CTTN: variants seen among roughly 807,000 people sequenced by gnomAD.
CTTN encodes src substrate cortactin.
A neutral mutation model predicts 84.0 loss-of-function variants in CTTN; 28 were observed. The ratio of observed to expected loss-of-function variants is 0.33; its 90% CI spans 0.25 to 0.46. CTTN has a LOEUF of 0.46. Among genes scored for constraint, CTTN ranks in the 20% least tolerant of loss-of-function variants. The pLI, the probability that CTTN is intolerant of heterozygous loss-of-function variation, is 1.00. For missense variants in CTTN, 641 were observed against 723.8 expected (o/e 0.89, Z 1.31); for synonymous variants, 301 against 288.8 (o/e 1.04, Z -0.43).
At position 70,420,479 on chromosome 11, in the gene CTTN, G is replaced by A. The variant is rs1203683145; in HGVS notation, c.759G>A (p.Gln253=). 3.1e-6 allele frequency: 5 copies of A among 1,614,184 alleles called. No homozygotes were observed. The South Asian group carries it at 4.4e-5, about 14-fold the overall frequency. ...QDKCALGWDH[Q]EKLQLHESQK... ...AATGTGCCCTTGGCTGGGATCACCA[G>A]GAGAAATTGCAGCTGCATGAATCCC... The change falls in exon 10 of 18, where the codon CAG becomes CAA. Residue 253 remains glutamine (Q), a synonymous_variant. Transcript: ENST00000301843.
rs1428001140 is a variant in CTTN at position 70,431,153 on chromosome 11, A to T, written c.1177-38A>T. 1.9e-6 allele frequency: 3 copies of T among 1,586,776 alleles called. No homozygotes were observed. In the South Asian group the frequency reaches 3.3e-5, roughly 18 times the overall value. On this transcript the variant is annotated intron_variant, in intron 14 of 17. Transcript: ENST00000301843. ...GGCAGGCGTGACAGTGCAGAGTGTC[A>T]TGGCAGCATTCTGATTGCTGTTTGT...
intron 5 of CTTN, among the ~76,000 whole-genome samples, chr11:70,411,626 G>A (rs1343671314): frequency 6.6e-6 from 1 of 152,210 alleles, no homozygotes; most frequent in Non-Finnish European, 1.5e-5. Flanking sequence ...GGAAAAGAAA[G>A]GCAACGTGTC....
At chr11:70,403,849 G>C (rs1284518222) in intron 1 of CTTN, among the ~76,000 whole-genome samples, 2 of 152,020 alleles carry the variant, frequency 1.3e-5, no homozygotes, top group Non-Finnish European at 2.9e-5. Flanking sequence ...CCTATCCTTA[G>C]CTGCTCATGA....
intron 8 of CTTN, among the ~76,000 whole-genome samples, chr11:70,418,427 C>A (rs2058189325): frequency 6.6e-6 from 1 of 152,236 alleles, no homozygotes; most frequent in Non-Finnish European, 1.5e-5. Context: ...CCAGGGAGCA[C>A]AGGCCGAGCA....
chr11:70,410,034 C>T, intron 5 of CTTN, 74 bp downstream of exon 5: 1 of 1,536,270 alleles, frequency 6.5e-7, no homozygotes. Context: ...AGAGTCGTCC[C>T]TCAGTCTTTC....
rs1459063556 is a variant in CTTN, at chr11:70,422,967, A to G, written c.929A>G (p.Tyr310Cys). 1 of 1,613,870 alleles carries G rather than the reference A, an allele frequency of 6.2e-7. No homozygotes were observed. Among genetic ancestry groups the G allele is most frequent in the Non-Finnish European group, 8.5e-7 (1 of 1,179,992 alleles). ...TACTCCAAAGGATTCGGCGGGAAGT[A>G]TGGGGTGCAGAAGGATCGGATGGAT... ...QDYSKGFGGK[Y>C]GVQKDRMDKN... The change falls in exon 12 of 18, where the codon TAT becomes TGT. Residue 310 changes from tyrosine to cysteine, a missense_variant. Transcript: ENST00000301843.
Position 70,428,921 on chromosome 11 carries a change from A to C in CTTN, c.1028-130A>C. On this transcript the variant is annotated intron_variant, in intron 13 of 17. Coordinates refer to ENST00000301843, the MANE Select transcript of CTTN (RefSeq NM_005231.4). Reference sequence around the variant, plus strand: ...GTGGGCTGAGCTGGCAGCTGCAAGAACCTTTCCCTCCTTGGGGGTTAGGGG... The same window carrying C: ...GTGGGCTGAGCTGGCAGCTGCAAGACCCTTTCCCTCCTTGGGGGTTAGGGG... 2.3e-5 allele frequency: 27 copies of C among 1,156,196 alleles called. No individual in the cohort carries two copies. In the South Asian group the frequency reaches 3.5e-4, roughly 15 times the overall value. The allele number at this position is 1,156,196 out of a possible 1,614,324, so 71.6% of individuals were successfully genotyped here. A position where few individuals can be genotyped will look rare whatever the true frequency, so the allele number is the denominator to read the frequency against.
chr11:70,407,782 T>C (rs1315061762), intron 4 of CTTN, 191 bp downstream of exon 4: 3 of 575,190 alleles, frequency 5.2e-6, no homozygotes, highest in South Asian at 2.3e-5. Flanking sequence ...TGTGTGTTTA[T>C]ATGTGTATAT....
Position 70,429,192 on chromosome 11 carries a change from A to G in CTTN, c.1169A>G (p.Lys390Arg). ...CAGGAGCAGGAAGAGGCCAGGAGGA[A>G]GCTGGAGGTGAGTGGCAAGGAGTGG... The part of the protein sequence containing the change: ...ERQEQEEARR[K>R]LEEQARAKTQ... Residue 390 changes from lysine (K) to arginine (R), a missense_variant, in exon 14 of 18, where the codon AAG becomes AGG. Lys to Arg is a conservative substitution (Grantham distance 26, BLOSUM62 2). Around this residue, in one of 3 missense-constraint regions of CTTN, gnomAD observed 289 missense variants for 273.1 expected, o/e 1.06. Coordinates refer to ENST00000301843, the MANE Select transcript of CTTN (RefSeq NM_005231.4). 6.2e-7 allele frequency: 1 copy of G among 1,612,206 alleles called. No individual in the cohort carries two copies. Among genetic ancestry groups the G allele is most frequent in the Non-Finnish European group, 8.5e-7 (1 of 1,179,510 alleles).
intron 12 of CTTN, 135 bp downstream of exon 12, chr11:70,423,130 G>A: frequency 1.8e-6 from 2 of 1,082,974 alleles, no homozygotes; most frequent in Non-Finnish European, 2.7e-6. Context: ...GGTGGTGGTG[G>A]CGATGACTGA....
intron 15 of CTTN, among the ~76,000 whole-genome samples, chr11:70,432,352 C>G (rs1040985279): frequency 2.0e-5 from 3 of 152,220 alleles, no homozygotes; most frequent in African/African-American, 7.2e-5. Flanking sequence ...GAGTCGCTCT[C>G]CCTGCCCGAT....
chr11:70,429,582 C>T (rs1591450302), intron 14 of CTTN, among the ~76,000 whole-genome samples: 1 of 152,256 alleles, frequency 6.6e-6, no homozygotes, highest in Admixed American at 6.5e-5. Context: ...CCCTCCTTTC[C>T]CAGGTGGAAG....
chr11:70,430,611 A>C (rs1378011468), intron 14 of CTTN, among the ~76,000 whole-genome samples: 1 of 152,052 alleles, frequency 6.6e-6, no homozygotes, highest in Non-Finnish European at 1.5e-5. Flanking sequence ...GTCCCTCCCC[A>C]TGGGGTCTGG....
At position 70,407,562 on chromosome 11, in the gene CTTN, G is replaced by A; in HGVS notation, c.132G>A (p.Val44=). ...AGCAAAGATGGGGTGCCAAGACGGT[G>A]CAGGGCTCCGGGCACCAGGAGCATA... ...EKEQRWGAKT[V]QGSGHQEHIN... is the part of the protein sequence containing the mutation. The change falls in exon 4 of 18, where the codon GTG becomes GTA. Residue 44 remains valine (V), a synonymous_variant. Coordinates refer to ENST00000301843, the MANE Select transcript of CTTN (RefSeq NM_005231.4). 4 of 1,613,908 alleles carry A rather than the reference G, an allele frequency of 2.5e-6. No homozygotes were observed. The highest frequency in any genetic ancestry group is 2.5e-6 in the Non-Finnish European group (3 of 1,180,020).
chr11:70,425,493 C>T, intron 13 of CTTN, 92 bp downstream of exon 13: 3 of 884,132 alleles, frequency 3.4e-6, no homozygotes, highest in Non-Finnish European at 5.5e-6. Context: ...AGCAGATGCA[C>T]CACTAGTTGA....
chr11:70,422,680 G>T (rs544988040), intron 11 of CTTN: 2 of 1,402,850 alleles, frequency 1.4e-6, no homozygotes, highest in African/African-American at 1.4e-5. Context: ...GCTGCCCGCC[G>T]CCCCTCCTGC....
intron 7 of CTTN, 139 bp downstream of exon 7, chr11:70,415,856 T>C (rs924087679): frequency 2.6e-6 from 2 of 775,522 alleles, no homozygotes; most frequent in Non-Finnish European, 4.5e-6. Context: ...TCCTGAGCGG[T>C]GGCTGTTGCC....
Position 70,431,144 on chromosome 11 carries a change from CAG to C in CTTN, c.1177-44_1177-43del, listed in dbSNP as rs781160871. ...CTGAAACACGGCAGGCGTGACAGTGCAGAGTGTCATGGCAGCATTCTGATTGC... is the reference window on the plus strand; with the variant it reads ...CTGAAACACGGCAGGCGTGACAGTGCAGTGTCATGGCAGCATTCTGATTGC... On this transcript the variant is annotated intron_variant, in intron 14 of 17. Transcript: ENST00000301843. 91 of 1,565,194 alleles carry C rather than the reference CAG, an allele frequency of 5.8e-5. 2 individuals carry two copies. The East Asian group carries it at 1.9e-3, about 33-fold the overall frequency.
At chr11:70,402,202 A>G (rs1479431416) in intron 1 of CTTN, among the ~76,000 whole-genome samples, 1 of 152,234 alleles carries the variant, frequency 6.6e-6, no homozygotes, top group Non-Finnish European at 1.5e-5. Context: ...CTGTCTAGAC[A>G]GCAAGATTAC....
Sources: gnomAD v4.1 joint callset for allele counts (sites outside exome capture counted in the v4.1 genomes callset) on GRCh38, gnomAD v4.1.1 for gene constraint, gnomAD v4.1.1 regional missense constraint, MANE v1.5 for transcripts, NCBI Gene and HGNC (gene_info 2026-07-23, HGNC 2026-07-21) for gene names.